GRIA4: variants seen among roughly 807,000 people sequenced by gnomAD.
GRIA4 encodes the protein glutamate ionotropic receptor AMPA type subunit 4, also known as glutamate receptor 4.
Under a neutral mutation model 104.0 loss-of-function variants are expected in GRIA4, and 34 were observed. That is an observed-to-expected ratio of 0.33 (90% CI 0.25 to 0.44). The LOEUF (loss-of-function observed/expected upper bound fraction) is 0.44. GRIA4 is among the 20% of genes least tolerant of loss of function. GRIA4 has a pLI of 1.00. For missense variants in GRIA4, 750 were observed against 1,096.5 expected (o/e 0.68, Z 4.46); for synonymous variants, 386 against 381.9 (o/e 1.01, Z -0.13).
chr11:105,907,573 A>T (rs532629430), intron 9 of GRIA4, among the ~76,000 whole-genome samples: 139 of 152,286 alleles, frequency 9.1e-4, no homozygotes, highest in African/African-American at 3.2e-3. Flanking sequence ...CAGAAGCCAC[A>T]AAGCTCTTTC....
Position 105,622,845 on chromosome 11 carries a change from C to G in GRIA4, c.247+10411C>G, listed in dbSNP as rs1284924144. On this transcript the variant is annotated intron_variant, in intron 3 of 16. Coordinates refer to ENST00000282499, the MANE Select transcript of GRIA4 (RefSeq NM_000829.4). ...CATCATCCACCCTCCTCTAACCCCCCCATTATTCAGAGTCTACAATGTCTA... is the reference window on the plus strand; with the variant it reads ...CATCATCCACCCTCCTCTAACCCCCGCATTATTCAGAGTCTACAATGTCTA... Among the ~76,000 whole-genome samples the G allele has an allele frequency of 4.0e-5, 6 of 151,754 alleles. No individual in the cohort carries two copies. The South Asian group carries it at 1.0e-3, about 26-fold the overall frequency.
chr11:105,906,993 A>G (rs1182552816), intron 9 of GRIA4, among the ~76,000 whole-genome samples: 2 of 152,244 alleles, frequency 1.3e-5, no homozygotes, highest in Non-Finnish European at 2.9e-5. Flanking sequence ...AAAATTTGCC[A>G]TTTAAACAGA....
intron 14 of GRIA4, chr11:105,965,951 G>T: frequency 6.3e-7 from 1 of 1,592,382 alleles, no homozygotes; most frequent in Non-Finnish European, 8.6e-7. Flanking sequence ...TTCAAGAAAT[G>T]CTGTTAACCT....
chr11:105,728,711 C>G (rs143479206), intron 3 of GRIA4, among the ~76,000 whole-genome samples: 81 of 152,292 alleles, frequency 5.3e-4, no homozygotes, highest in African/African-American at 1.9e-3. Flanking sequence ...CTCAAAACCT[C>G]ACAACTACAT....
At chr11:105,719,032 T>G (rs544307705) in intron 3 of GRIA4, among the ~76,000 whole-genome samples, 2 of 152,206 alleles carry the variant, frequency 1.3e-5, no homozygotes, top group African/African-American at 4.8e-5. Context: ...AAAGCTGATC[T>G]CTCTCTCTTG....
intron 4 of GRIA4, among the ~76,000 whole-genome samples, chr11:105,783,124 C>T (rs1246961347): frequency 6.6e-6 from 1 of 152,108 alleles, no homozygotes; most frequent in Non-Finnish European, 1.5e-5. Context: ...TAATTCTGTG[C>T]TACCCTGGAA....
intron 5 of GRIA4, 106 bp downstream of exon 5, chr11:105,862,314 G>A: frequency 1.5e-6 from 1 of 664,220 alleles, no homozygotes; most frequent in Non-Finnish European, 2.6e-6. Context: ...AATTTGGAGT[G>A]TGAGGTTTGA....
chr11:105,834,436 C>A (rs1944100412), intron 4 of GRIA4, among the ~76,000 whole-genome samples: 1 of 152,072 alleles, frequency 6.6e-6, no homozygotes, highest in South Asian at 2.1e-4. Flanking sequence ...CTAAAATCAG[C>A]CCACACATTA....
At chr11:105,615,183 C>CA (rs577903179) in intron 3 of GRIA4, among the ~76,000 whole-genome samples, 132 of 151,104 alleles carry the variant, frequency 8.7e-4, no homozygotes, top group East Asian at 1.4e-3. Context: ...AATGTATACT[C>CA]AAAAAAAACA....
intron 3 of GRIA4, among the ~76,000 whole-genome samples, chr11:105,679,395 T>C (rs1011338840): frequency 6.6e-6 from 1 of 152,158 alleles, no homozygotes; most frequent in Non-Finnish European, 1.5e-5. Flanking sequence ...AAATTCACTA[T>C]CTGAGTCCAC....
At chr11:105,791,769 C>A (rs906218395) in intron 4 of GRIA4, among the ~76,000 whole-genome samples, 17 of 152,056 alleles carry the variant, frequency 1.1e-4, no homozygotes, top group Non-Finnish European at 2.9e-5. Flanking sequence ...AAGCACTCAG[C>A]AATATGAATT....
At position 105,855,546 on chromosome 11, in the gene GRIA4, A is replaced by G. The variant is rs543940654; in HGVS notation, c.488-6478A>G. 1.3e-4 allele frequency among the ~76,000 whole-genome samples: 20 copies of G among 152,248 alleles called. No homozygotes were observed. The East Asian group carries it at 3.9e-3, about 29-fold the overall frequency. On this transcript the variant is annotated intron_variant, in intron 4 of 16. Transcript: ENST00000282499. ...AGTTGTACTTTATGAGCAAAATAAT[A>G]GCTATATAGTAATTATGCTAGATAT...
intron 14 of GRIA4, among the ~76,000 whole-genome samples, chr11:105,960,329 G>C (rs1315326160): frequency 6.6e-6 from 1 of 152,210 alleles, no homozygotes; most frequent in African/African-American, 2.4e-5. Context: ...TGGAGATCCT[G>C]CGGGGAAGCC....
chr11:105,741,832 CA>C lies in GRIA4; in HGVS notation c.248-11147del, dbSNP rs1591177132. On this transcript the variant is annotated intron_variant, in intron 3 of 16. Transcript: ENST00000282499. ...ATAGTGAAATGGTTATTTACAGAAC[CA>C]AGAATGGTGGTTACCAGGCACAGGA... Among the ~76,000 whole-genome samples, 3 of 151,912 alleles carry C rather than the reference CA, an allele frequency of 2.0e-5. No individual in the cohort carries two copies. The East Asian group carries it at 5.8e-4, about 29-fold the overall frequency.
intron 14 of GRIA4, among the ~76,000 whole-genome samples, chr11:105,963,671 C>G (rs1948795180): frequency 6.6e-6 from 1 of 152,072 alleles, no homozygotes; most frequent in Non-Finnish European, 1.5e-5. Flanking sequence ...TGAAACTAAA[C>G]TGTTTTTACA....
intron 4 of GRIA4, among the ~76,000 whole-genome samples, chr11:105,784,567 T>G (rs142283928): frequency 7.7e-4 from 118 of 152,308 alleles, no homozygotes; most frequent in African/African-American, 2.8e-3. Flanking sequence ...ATGTGCTGCG[T>G]GAATGAGAGG....
intron 14 of GRIA4, among the ~76,000 whole-genome samples, chr11:105,948,803 G>A (rs1948393867): frequency 6.6e-6 from 1 of 151,506 alleles, no homozygotes; most frequent in African/African-American, 2.4e-5. Context: ...GTACTGGCCA[G>A]GATGGTCTCG....
chr11:105,663,351 T>G (rs1164543406), intron 3 of GRIA4, among the ~76,000 whole-genome samples: 4 of 151,944 alleles, frequency 2.6e-5, no homozygotes, highest in Non-Finnish European at 5.9e-5. Flanking sequence ...TAAATTCATC[T>G]ATTTCTTCAA....
At chr11:105,743,320 A>G (rs1481887922) in intron 3 of GRIA4, among the ~76,000 whole-genome samples, 1 of 152,168 alleles carries the variant, frequency 6.6e-6, no homozygotes, top group Non-Finnish European at 1.5e-5. Context: ...CTCCCAGACA[A>G]CTCAGGGACT....
Sources: allele counts gnomAD v4.1 joint callset (sites outside exome capture counted in the v4.1 genomes callset), GRCh38; gene constraint gnomAD v4.1.1; transcripts MANE v1.5; gene names NCBI Gene and HGNC (gene_info 2026-07-23, HGNC 2026-07-21).